Variants in PTPRD observed in about 807,000 individuals in gnomAD.
PTPRD encodes protein tyrosine phosphatase receptor type D.
In PTPRD, 34 loss-of-function variants were observed where a neutral mutation model predicts 214.5. That is an observed-to-expected ratio of 0.16 (90% confidence interval 0.12 to 0.21). The LOEUF (loss-of-function observed/expected upper bound fraction) is 0.21. Among genes scored for constraint, PTPRD ranks in the 10% least tolerant of loss-of-function variants. PTPRD has a pLI of 1.00. For synonymous variants in PTPRD, 1,128 were observed against 845.7 expected (o/e 1.33, Z -5.79); for missense variants, 2,545 against 2,398.7 (o/e 1.06, Z -1.27).
At chr9:8,506,679 A>G (rs2097548920) in intron 22 of PTPRD, among the ~76,000 whole-genome samples, 1 of 152,244 alleles carries the variant, frequency 6.6e-6, no homozygotes. Context: ...TGAAACCCTT[A>G]GAACAGTGCC....
intron 9 of PTPRD, among the ~76,000 whole-genome samples, chr9:9,320,491 T>A (rs908649673): frequency 1.3e-5 from 2 of 152,176 alleles, no homozygotes; most frequent in Non-Finnish European, 2.9e-5. Context: ...AATATTGTTA[T>A]AAATGATTGG....
rs869246078 is a variant in PTPRD at position 9,384,343 on chromosome 9, C to CTTTTT, written c.-203+13101_-203+13105dup. Among the ~76,000 whole-genome samples the CTTTTT allele has an allele frequency of 6.1e-3, 202 of 33,316 alleles. 80 individuals carry two copies. The highest frequency in any genetic ancestry group is 0.011 in the Non-Finnish European group (159 of 14,296). The allele number at this position is 33,316 out of a possible 152,430, so 21.9% of individuals were successfully genotyped here. On this transcript the variant is annotated intron_variant, in intron 9 of 45. Coordinates refer to ENST00000381196, the MANE Select transcript of PTPRD (RefSeq NM_002839.4). ...GATGATATTTGAGCAGAAGACTAGGCTTTTTTTTTTTTTTTTTTTTTTTTT... is the reference window on the plus strand; with the variant it reads ...GATGATATTTGAGCAGAAGACTAGGCTTTTTTTTTTTTTTTTTTTTTTTTTTTTTT...
At chr9:8,442,210 T>A (rs945604202) in intron 34 of PTPRD, among the ~76,000 whole-genome samples, 4 of 152,262 alleles carry the variant, frequency 2.6e-5, no homozygotes, top group Non-Finnish European at 5.9e-5. Context: ...GCAGAATATT[T>A]CTTAGAAGCT....
At chr9:9,807,832 G>T (rs2045916942) in intron 5 of PTPRD, among the ~76,000 whole-genome samples, 1 of 152,172 alleles carries the variant, frequency 6.6e-6, no homozygotes, top group East Asian at 1.9e-4. Context: ...TTCATTGGAA[G>T]AATCCGATTT....
At chr9:8,944,619 A>G in intron 11 of PTPRD, among the ~76,000 whole-genome samples, 1 of 152,220 alleles carries the variant, frequency 6.6e-6, no homozygotes, top group East Asian at 1.9e-4. Context: ...GGAACTAAAC[A>G]ACATTATATT....
chr9:9,163,626 G>T (rs531603765), intron 10 of PTPRD, among the ~76,000 whole-genome samples: 1 of 151,860 alleles, frequency 6.6e-6, no homozygotes, highest in Admixed American at 6.6e-5. Flanking sequence ...GCACCTATGA[G>T]AATACAGTTA....
At chr9:8,554,736 T>C (rs529218815) in intron 14 of PTPRD, among the ~76,000 whole-genome samples, 1 of 152,346 alleles carries the variant, frequency 6.6e-6, no homozygotes, top group African/African-American at 2.4e-5. Flanking sequence ...AACACGTTTG[T>C]TTATTTTGAC....
chr9:9,864,052 C>A (rs2063386834), intron 5 of PTPRD, among the ~76,000 whole-genome samples: 1 of 152,156 alleles, frequency 6.6e-6, no homozygotes, highest in African/African-American at 2.4e-5. Flanking sequence ...TGCCTATAAT[C>A]CCAGCACTTT....
At chr9:8,594,739 T>C (rs1368868503) in intron 14 of PTPRD, among the ~76,000 whole-genome samples, 2 of 152,150 alleles carry the variant, frequency 1.3e-5, no homozygotes, top group African/African-American at 4.8e-5. Flanking sequence ...GATTCTAAGT[T>C]TCCTGGGACC....
chr9:9,503,019 T>C (rs1316455765), intron 8 of PTPRD, among the ~76,000 whole-genome samples: 1 of 151,822 alleles, frequency 6.6e-6, no homozygotes, highest in Non-Finnish European at 1.5e-5. Flanking sequence ...TTAATATGTT[T>C]GTTAAAATTC....
chr9:9,256,628 AG>A (rs1376221317), intron 9 of PTPRD, among the ~76,000 whole-genome samples: 2 of 151,982 alleles, frequency 1.3e-5, no homozygotes, highest in Non-Finnish European at 2.9e-5. Flanking sequence ...CCTGTGTCCT[AG>A]CCTCGGTTCT....
intron 45 of PTPRD, among the ~76,000 whole-genome samples, chr9:8,318,542 TACA>T (rs1447203574): frequency 6.6e-6 from 1 of 152,086 alleles, no homozygotes; most frequent in Admixed American, 6.6e-5. Flanking sequence ...GATGTTCATA[TACA>T]GCCAGAAGGT....
intron 10 of PTPRD, among the ~76,000 whole-genome samples, chr9:9,044,665 A>C (rs1485488972): frequency 6.6e-6 from 1 of 152,234 alleles, no homozygotes; most frequent in African/African-American, 2.4e-5. Flanking sequence ...GGACCTATCA[A>C]GTCAATACAA....
intron 7 of PTPRD, among the ~76,000 whole-genome samples, chr9:9,664,953 T>A (rs886447744): frequency 4.6e-5 from 7 of 151,738 alleles, no homozygotes; most frequent in African/African-American, 1.7e-4. Context: ...TATAATTTAT[T>A]TCATTGAATG....
In PTPRD at chr9:9,643,937, A is replaced by G. The variant is rs542071309; in HGVS notation, c.-286-69156T>C. On this transcript the variant is annotated intron_variant, in intron 7 of 45. Transcript: ENST00000381196. ...GTCAGTTATACTCATAGGCATTTCAATGTTGTACAACTATTACCATTGTAC... is the reference window on the plus strand; with the variant it reads ...GTCAGTTATACTCATAGGCATTTCAGTGTTGTACAACTATTACCATTGTAC... Among the ~76,000 whole-genome samples, 9 of 152,290 alleles carry G rather than the reference A, an allele frequency of 5.9e-5. No homozygotes were observed. In the East Asian group the frequency reaches 9.6e-4, roughly 16 times the overall value.
intron 3 of PTPRD, among the ~76,000 whole-genome samples, chr9:10,190,398 A>C (rs1304951480): frequency 6.0e-4 from 25 of 41,728 alleles, no homozygotes; most frequent in Non-Finnish European, 6.9e-4. Flanking sequence ...AAAAAAAAAA[A>C]AAAAAAAAAA....
intron 9 of PTPRD, among the ~76,000 whole-genome samples, chr9:9,320,886 C>T (rs1305182687): frequency 6.6e-6 from 1 of 152,058 alleles, no homozygotes; most frequent in Non-Finnish European, 1.5e-5. Flanking sequence ...TGTCCAAAAG[C>T]CAGAAATGTG....
At chr9:9,613,152 A>G (rs1302376583) in intron 7 of PTPRD, among the ~76,000 whole-genome samples, 1 of 84,974 alleles carries the variant, frequency 1.2e-5, no homozygotes, top group Non-Finnish European at 3.1e-5. Context: ...ATATATATAT[A>G]TATATATATA....
intron 3 of PTPRD, among the ~76,000 whole-genome samples, chr9:10,205,194 C>G (rs2154336980): frequency 6.6e-6 from 1 of 151,650 alleles, no homozygotes; most frequent in East Asian, 1.9e-4. Context: ...TCTCATCTTT[C>G]TTGTAGGATT....
Sources: gnomAD v4.1 joint callset for allele counts (sites outside exome capture counted in the v4.1 genomes callset) on GRCh38, gnomAD v4.1.1 for gene constraint, MANE v1.5 for transcripts, NCBI Gene and HGNC (gene_info 2026-07-23, HGNC 2026-07-21) for gene names.